The following PTPRD variants were observed in gnomAD, a reference collection of about 807,000 sequenced individuals.
The protein encoded by PTPRD is receptor-type tyrosine-protein phosphatase delta.
A neutral mutation model predicts 214.5 loss-of-function variants in PTPRD; 34 were observed. The ratio of observed to expected loss-of-function variants is 0.16; its 90% CI spans 0.12 to 0.21. The LOEUF (loss-of-function observed/expected upper bound fraction) is 0.21, where lower values mean the gene tolerates loss of function less well. Ranked by LOEUF, PTPRD falls within the 10% of genes least tolerant of loss-of-function variation. The pLI is 1.00. For synonymous variants in PTPRD, 1,128 were observed against 845.7 expected (o/e 1.33, Z -5.79); for missense variants, 2,545 against 2,398.7 (o/e 1.06, Z -1.27).
chr9:10,451,104 G>C (rs2098838752), intron 2 of PTPRD, among the ~76,000 whole-genome samples: 1 of 151,790 alleles, frequency 6.6e-6, no homozygotes, highest in Non-Finnish European at 1.5e-5. Context: ...GGTTTTAAAA[G>C]TATTTAAGTA....
At chr9:10,568,983 G>A (rs539502716) in intron 2 of PTPRD, among the ~76,000 whole-genome samples, 1 of 152,010 alleles carries the variant, frequency 6.6e-6, no homozygotes, top group South Asian at 2.1e-4. Context: ...GAGTGAACAG[G>A]CAACCTACAG....
At chr9:9,705,947 T>C (rs1222789291) in intron 7 of PTPRD, among the ~76,000 whole-genome samples, 2 of 152,170 alleles carry the variant, frequency 1.3e-5, no homozygotes, top group Non-Finnish European at 2.9e-5. Flanking sequence ...CAATAGACGA[T>C]GGTCTACATA....
intron 11 of PTPRD, among the ~76,000 whole-genome samples, chr9:8,813,335 A>T (rs1266597310): frequency 2.6e-5 from 4 of 152,174 alleles, no homozygotes; most frequent in East Asian, 1.9e-4. Flanking sequence ...ATCAGAATTC[A>T]AAAGGACCTC....
In PTPRD at chr9:9,222,665, C is replaced by A. The variant is rs541029206; in HGVS notation, c.-202-39302G>T. ...ATGCAAAAGAATACAATTATCTTTG[C>A]CAATGAGAAACAACAGATACACCCT... On this transcript the variant is annotated intron_variant, in intron 9 of 45. Coordinates refer to ENST00000381196, the MANE Select transcript of PTPRD (RefSeq NM_002839.4). Among the ~76,000 whole-genome samples, 7 of 152,018 alleles carry A rather than the reference C, an allele frequency of 4.6e-5. No individual in the cohort carries two copies. The South Asian group carries it at 1.5e-3, about 32-fold the overall frequency.
At chr9:9,975,376 G>C (rs1294195917) in intron 4 of PTPRD, among the ~76,000 whole-genome samples, 1 of 152,150 alleles carries the variant, frequency 6.6e-6, no homozygotes, top group African/African-American at 2.4e-5. Context: ...ACATGTGAGA[G>C]CTTTTCAAAA....
chr9:10,354,324 A>C (rs1291824894), intron 2 of PTPRD, among the ~76,000 whole-genome samples: 1 of 152,132 alleles, frequency 6.6e-6, no homozygotes, highest in Non-Finnish European at 1.5e-5. Flanking sequence ...TATGTATATC[A>C]AATATTGATA....
At chr9:9,974,637 T>A (rs941639253) in intron 4 of PTPRD, among the ~76,000 whole-genome samples, 1 of 152,196 alleles carries the variant, frequency 6.6e-6, no homozygotes, top group Non-Finnish European at 1.5e-5. Context: ...CTCTGAAGCT[T>A]CCGACATCTT....
intron 4 of PTPRD, among the ~76,000 whole-genome samples, chr9:9,947,597 A>T (rs1417743144): frequency 1.1e-3 from 47 of 41,772 alleles, no homozygotes; most frequent in Non-Finnish European, 1.6e-3. Context: ...TATATATATA[A>T]TATATATATT....
At chr9:8,963,799 A>C (rs1050266926) in intron 11 of PTPRD, among the ~76,000 whole-genome samples, 1 of 151,988 alleles carries the variant, frequency 6.6e-6, no homozygotes, top group Admixed American at 6.6e-5. Context: ...TTTTTTGTAG[A>C]GATGGGGTCT....
At position 8,411,550 on chromosome 9, in the gene PTPRD, T is replaced by C. The variant is rs190063287; in HGVS notation, c.4087-6890A>G. ...AACTCATGACCTTAAGTGATCCACC[T>C]GCCTTGGCTTCCCAAAGTGTTGAGG... On this transcript the variant is annotated intron_variant, in intron 35 of 45. Transcript: ENST00000381196. Among the ~76,000 whole-genome samples, 550 of 152,280 alleles carry C rather than the reference T, an allele frequency of 3.6e-3. 5 individuals are homozygous for C. Among genetic ancestry groups the C allele is most frequent in the African/African-American group, 0.013 (525 of 41,574 alleles).
intron 8 of PTPRD, among the ~76,000 whole-genome samples, chr9:9,409,302 C>T (rs549203518): frequency 6.6e-6 from 1 of 151,864 alleles, no homozygotes; most frequent in Non-Finnish European, 1.5e-5. Context: ...ATATCTTCAT[C>T]ATTGAATGTA....
At chr9:9,428,683 C>G (rs535026811) in intron 8 of PTPRD, among the ~76,000 whole-genome samples, 51 of 152,228 alleles carry the variant, frequency 3.4e-4, no homozygotes, top group Non-Finnish European at 6.5e-4. Flanking sequence ...TGTAAAAGAA[C>G]AGAAATTATA....
At chr9:10,600,343 T>C (rs2077646786) in intron 2 of PTPRD, among the ~76,000 whole-genome samples, 1 of 151,808 alleles carries the variant, frequency 6.6e-6, no homozygotes, top group Non-Finnish European at 1.5e-5. Context: ...TTTTAATCTG[T>C]ATCCTTCTTT....
intron 9 of PTPRD, among the ~76,000 whole-genome samples, chr9:9,329,249 A>G (rs1421847351): frequency 6.6e-6 from 1 of 151,970 alleles, no homozygotes; most frequent in African/African-American, 2.4e-5. Context: ...AAAACAAAAC[A>G]AAACAAAACA....
intron 7 of PTPRD, among the ~76,000 whole-genome samples, chr9:9,593,508 T>C (rs2092974354): frequency 1.3e-5 from 2 of 151,976 alleles, no homozygotes; most frequent in African/African-American, 4.8e-5. Context: ...ATATGGATTT[T>C]GAGGCATGAG....
At position 9,229,066 on chromosome 9, in the gene PTPRD, G is replaced by T. The variant is rs750965540; in HGVS notation, c.-202-45703C>A. On this transcript the variant is annotated intron_variant, in intron 9 of 45. Coordinates refer to ENST00000381196, the MANE Select transcript of PTPRD (RefSeq NM_002839.4). ...CATTAAGGCTAGAAGTGAAAAGTTTGTATGTGTTGACCTTTTTGTTTCCCT... is the reference window on the plus strand; with the variant it reads ...CATTAAGGCTAGAAGTGAAAAGTTTTTATGTGTTGACCTTTTTGTTTCCCT... Among the ~76,000 whole-genome samples the T allele has an allele frequency of 1.2e-3, 187 of 152,186 alleles. 1 individual carries two copies. Among genetic ancestry groups the T allele is most frequent in the Non-Finnish European group, 2.0e-3 (139 of 67,996 alleles).
At chr9:9,149,693 G>C (rs72696803) in intron 10 of PTPRD, among the ~76,000 whole-genome samples, 10,588 of 152,182 alleles carry the variant, frequency 0.07, 563 homozygotes, top group African/African-American at 0.14. Flanking sequence ...TAGATTCTTT[G>C]CTAGAATTTC....
intron 11 of PTPRD, among the ~76,000 whole-genome samples, chr9:8,796,748 G>C (rs1600101444): frequency 6.6e-6 from 1 of 151,998 alleles, no homozygotes; most frequent in Admixed American, 6.6e-5. Context: ...TTCTGGTTGA[G>C]AAATTCAAAT....
In PTPRD at chr9:9,138,991, T is replaced by G. The variant is rs1248335418; in HGVS notation, c.-143+44313A>C. Among the ~76,000 whole-genome samples the G allele has an allele frequency of 2.6e-5, 4 of 152,174 alleles. No homozygotes were observed. In the East Asian group the frequency reaches 7.7e-4, roughly 29 times the overall value. On this transcript the variant is annotated intron_variant, in intron 10 of 45. Transcript: ENST00000381196. Reference sequence around the variant, plus strand: ...ATCTTCATTAAGGTATTATATTTACTTATTTATGTGCTTAAAAACATATAG... The same window carrying G: ...ATCTTCATTAAGGTATTATATTTACGTATTTATGTGCTTAAAAACATATAG...
Sources: allele counts gnomAD v4.1 joint callset (sites outside exome capture counted in the v4.1 genomes callset), GRCh38; gene constraint gnomAD v4.1.1; transcripts MANE v1.5; gene names NCBI Gene and HGNC (gene_info 2026-07-23, HGNC 2026-07-21).